NDUFAF2: variants seen among roughly 807,000 people sequenced by gnomAD.
NDUFAF2 encodes NADH dehydrogenase [ubiquinone] 1 alpha subcomplex assembly factor 2.
NDUFAF2 carries 13 observed loss-of-function variants against 22.8 expected under a neutral mutation model. The observed-to-expected ratio is 0.57, with a 90% CI of 0.37 to 0.91. The LOEUF is 0.91. Among genes scored for constraint, NDUFAF2 ranks in the 40% least tolerant of loss-of-function variants. NDUFAF2 has a pLI of 0.01. For missense variants in NDUFAF2, 162 were observed against 195.2 expected (o/e 0.83, Z 1.01); for synonymous variants, 53 against 64.2 (o/e 0.83, Z 0.84).
At chr5:60,993,228 A>G (rs890620379) in intron 1 of NDUFAF2, among the ~76,000 whole-genome samples, 3 of 152,246 alleles carry the variant, frequency 2.0e-5, no homozygotes. Flanking sequence ...GGCAGCTTCC[A>G]TAGCTGTCAC....
chr5:61,003,742 C>T (rs1213962777), intron 1 of NDUFAF2, among the ~76,000 whole-genome samples: 2 of 150,916 alleles, frequency 1.3e-5, no homozygotes, highest in Non-Finnish European at 2.9e-5. Flanking sequence ...CCTCAAACTC[C>T]TGGTCTCAAG....
intron 1 of NDUFAF2, among the ~76,000 whole-genome samples, chr5:61,068,633 G>A (rs2111725410): frequency 6.6e-6 from 1 of 151,750 alleles, no homozygotes; most frequent in Middle Eastern, 3.4e-3. Context: ...TCTACTTTTT[G>A]GTATTTTCCA....
chr5:61,005,622 T>C (rs1344935126), intron 1 of NDUFAF2, among the ~76,000 whole-genome samples: 2 of 152,200 alleles, frequency 1.3e-5, no homozygotes, highest in Non-Finnish European at 2.9e-5. Context: ...TTTTTAATGA[T>C]CACCATTCTA....
At chr5:61,053,782 T>C (rs1442879811) in intron 1 of NDUFAF2, among the ~76,000 whole-genome samples, 1 of 152,098 alleles carries the variant, frequency 6.6e-6, no homozygotes, top group Admixed American at 6.5e-5. Flanking sequence ...GTTAGGTTTT[T>C]AAAATTAATA....
intron 1 of NDUFAF2, among the ~76,000 whole-genome samples, chr5:60,977,457 C>G (rs1452181806): frequency 6.6e-6 from 1 of 151,784 alleles, no homozygotes; most frequent in Non-Finnish European, 1.5e-5. Context: ...AACGACTTTT[C>G]CTTGGTTGTT....
chr5:60,971,244 T>C (rs1750823258), intron 1 of NDUFAF2, among the ~76,000 whole-genome samples: 1 of 151,812 alleles, frequency 6.6e-6, no homozygotes, highest in Non-Finnish European at 1.5e-5. Flanking sequence ...GCTGCACCCA[T>C]TAACTTGTCA....
intron 1 of NDUFAF2, among the ~76,000 whole-genome samples, chr5:61,069,143 T>C (rs1002555959): frequency 2.0e-5 from 3 of 150,520 alleles, no homozygotes; most frequent in Non-Finnish European, 2.9e-5. Context: ...TTTTTTTTTT[T>C]CCTGACTCTG....
At chr5:61,009,487 T>C (rs1751415920) in intron 1 of NDUFAF2, among the ~76,000 whole-genome samples, 1 of 152,136 alleles carries the variant, frequency 6.6e-6, no homozygotes, top group South Asian at 2.1e-4. Context: ...TAGAATACTC[T>C]TGACCTGTGA....
intron 1 of NDUFAF2, among the ~76,000 whole-genome samples, chr5:60,974,862 C>T (rs1456267084): frequency 1.3e-5 from 2 of 152,118 alleles, no homozygotes; most frequent in African/African-American, 4.8e-5. Flanking sequence ...GTTGCCCAGG[C>T]TAGAGTGCAG....
chr5:61,010,683 A>G (rs1244557782), intron 1 of NDUFAF2, among the ~76,000 whole-genome samples: 1 of 152,056 alleles, frequency 6.6e-6, no homozygotes, highest in Non-Finnish European at 1.5e-5. Flanking sequence ...TTATGCAGCT[A>G]TTTGCCTTGC....
intron 1 of NDUFAF2, among the ~76,000 whole-genome samples, chr5:61,055,043 G>T (rs1470542656): frequency 4.6e-5 from 7 of 152,166 alleles, no homozygotes; most frequent in African/African-American, 1.4e-4. Context: ...ATTATATGTA[G>T]TGTAAGATTT....
intron 1 of NDUFAF2, among the ~76,000 whole-genome samples, chr5:61,003,233 T>TA (rs1365393830): frequency 2.6e-5 from 4 of 152,138 alleles, no homozygotes; most frequent in African/African-American, 9.6e-5. Flanking sequence ...TACAGGCTGA[T>TA]TTTTATTGAT....
At chr5:61,060,749 T>C (rs1462017721) in intron 1 of NDUFAF2, among the ~76,000 whole-genome samples, 1 of 152,078 alleles carries the variant, frequency 6.6e-6, no homozygotes, top group Non-Finnish European at 1.5e-5. Context: ...CAATGTAAAA[T>C]ATTGGGCTAG....
In NDUFAF2 at chr5:61,064,222, CAT is replaced by C. The variant is rs1230466457; in HGVS notation, c.128-8902_128-8901del. 3.9e-5 allele frequency among the ~76,000 whole-genome samples: 6 copies of C among 152,162 alleles called. 1 individual carries two copies. The highest frequency in any genetic ancestry group is 1.4e-4 in the African/African-American group (6 of 41,524). ...CCATTGTAAATCTATATGTACCCAA[CAT>C]TGGAGCACCTAAATACATTAAGCAA... On this transcript the variant is annotated intron_variant, in intron 1 of 3. Coordinates refer to ENST00000296597, the MANE Select transcript of NDUFAF2 (RefSeq NM_174889.5).
intron 1 of NDUFAF2, among the ~76,000 whole-genome samples, chr5:61,063,749 A>T (rs1191104809): frequency 6.6e-6 from 1 of 152,162 alleles, no homozygotes; most frequent in Non-Finnish European, 1.5e-5. Flanking sequence ...TAGATGAATG[A>T]TAAAGAGAAA....
At chr5:61,025,391 A>G (rs2112606371) in intron 1 of NDUFAF2, among the ~76,000 whole-genome samples, 1 of 152,290 alleles carries the variant, frequency 6.6e-6, no homozygotes, top group African/African-American at 2.4e-5. Flanking sequence ...TTAATAAAAG[A>G]TGTTTATAAA....
At chr5:60,965,248 A>C (rs1470836281) in intron 1 of NDUFAF2, among the ~76,000 whole-genome samples, 4 of 152,164 alleles carry the variant, frequency 2.6e-5, no homozygotes, top group African/African-American at 9.7e-5. Flanking sequence ...GACTTTATTA[A>C]GGTATAATTG....
intron 1 of NDUFAF2, among the ~76,000 whole-genome samples, chr5:60,947,895 A>G (rs1350169753): frequency 2.0e-5 from 3 of 152,164 alleles, no homozygotes; most frequent in Admixed American, 6.5e-5. Flanking sequence ...CTATTCTACA[A>G]TAACATGAAT....
intron 1 of NDUFAF2, among the ~76,000 whole-genome samples, chr5:61,049,814 T>TTATA (rs1380818534): frequency 4.0e-5 from 6 of 150,950 alleles, no homozygotes; most frequent in South Asian, 2.1e-4. Context: ...ATGTGTGTAT[T>TTATA]TATATACATA....
Sources: allele counts gnomAD v4.1 joint callset (sites outside exome capture counted in the v4.1 genomes callset), GRCh38; gene constraint gnomAD v4.1.1; transcripts MANE v1.5; gene names NCBI Gene and HGNC (gene_info 2026-07-23, HGNC 2026-07-21).